Variants in HTR3A observed in about 807,000 individuals in gnomAD.
HTR3A encodes the protein 5-hydroxytryptamine receptor 3A, also known as 5-hydroxytryptamine (serotonin) receptor 3A, ionotropic.
Under a neutral mutation model 54.8 loss-of-function variants are expected in HTR3A, and 45 were observed. The ratio of observed to expected loss-of-function variants is 0.82; its 90% CI spans 0.65 to 1.05. HTR3A has a LOEUF of 1.05. Among genes scored for constraint, HTR3A ranks in the 50% least tolerant of loss-of-function variants. The pLI is 0.00. For missense variants in HTR3A, 657 were observed against 614.0 expected, an observed-to-expected ratio of 1.07 and a Z score of -0.74; for synonymous variants, 297 against 256.0, an observed-to-expected ratio of 1.16 and a Z score of -1.53.
chr11:113,980,096 G>A (rs878899335), intron 3 of HTR3A, among the ~76,000 whole-genome samples: 5 of 152,290 alleles, frequency 3.3e-5, no homozygotes, highest in Admixed American at 2.0e-4. Context: ...TCCCTGCCTC[G>A]CAGAGGGATC....
intron 4 of HTR3A, among the ~76,000 whole-genome samples, chr11:113,981,844 GCTA>G (rs764144541): frequency 6.6e-6 from 1 of 151,900 alleles, no homozygotes; most frequent in Non-Finnish European, 1.5e-5. Flanking sequence ...TGTAATCCCA[GCTA>G]CTCGGGCAGC....
chr11:113,982,349 G>GA (rs11459590), intron 4 of HTR3A, among the ~76,000 whole-genome samples: 139,003 of 152,194 alleles, frequency 0.91, 64,820 homozygotes, highest in East Asian at 1. Context: ...TTTTCCAAGG[G>GA]GGTAGTTGAC....
In HTR3A at chr11:113,977,706, A is replaced by T; in HGVS notation, c.68-65A>T. ...CGTCTCTTTTAACAGCTTACAAACC[A>T]GGACAAGAGAACCGGGGGAAGTCTT... On this transcript the variant is annotated intron_variant, in intron 1 of 8. Transcript: ENST00000504030. 4 of 1,582,120 alleles carry T rather than the reference A, an allele frequency of 2.5e-6. No individual in the cohort carries two copies. In the South Asian group the frequency reaches 4.5e-5, roughly 18 times the overall value.
chr11:113,985,780 C>T (rs927590715), intron 5 of HTR3A, among the ~76,000 whole-genome samples: 4 of 151,858 alleles, frequency 2.6e-5, no homozygotes, highest in Admixed American at 6.6e-5. Flanking sequence ...TTCTTTGCAC[C>T]GTGCATTTTC....
At position 113,989,778 on chromosome 11, in the gene HTR3A, G is replaced by C; in HGVS notation, c.*15G>C. On this transcript the variant is annotated 3_prime_UTR_variant, in exon 9 of 9. Coordinates refer to ENST00000504030, the MANE Select transcript of HTR3A (RefSeq NM_000869.6). This position sits in a 1 kb window ranked among gnomAD's most constrained non-coding sequence, Gnocchi z 4.4. ...AGTACGCTTGAGTGGGTACAGCCCA[G>C]TGGAGGAGGGGGTACAGTCCTGGTT... 2 of 1,605,832 alleles carry C rather than the reference G, an allele frequency of 1.2e-6. No individual in the cohort carries two copies. The highest frequency in any genetic ancestry group is 2.2e-5 in the East Asian group (1 of 44,874).
chr11:113,977,938 G>A lies in HTR3A; in HGVS notation c.219+16G>A, dbSNP rs192513410. On this transcript the variant is annotated intron_variant, in intron 2 of 8. Transcript: ENST00000504030. Reference sequence around the variant, plus strand: ...CCTCAACGTGGTGAGGCTCAGCCCCGAGCTGCACACAGGCAGACCTTTTGG... The same window carrying A: ...CCTCAACGTGGTGAGGCTCAGCCCCAAGCTGCACACAGGCAGACCTTTTGG... The A allele has an allele frequency of 1.7e-3, 2,783 of 1,614,146 alleles. 9 individuals carry two copies. The highest frequency in any genetic ancestry group is 2.1e-3 in the Non-Finnish European group (2,453 of 1,180,012).
intron 3 of HTR3A, 68 bp from the exon 4 acceptor site, chr11:113,981,135 C>T (rs533725521): frequency 7.2e-6 from 7 of 974,894 alleles, no homozygotes; most frequent in Admixed American, 7.0e-5. Flanking sequence ...TGAAGTCTGC[C>T]TGAGTTGCAG....
At chr11:113,977,440 G>A (rs1039118064) in intron 1 of HTR3A, 128 of 1,082,812 alleles carry the variant, frequency 1.2e-4, no homozygotes, top group South Asian at 3.7e-4. Context: ...AGAGGCCCTC[G>A]CTTAGGCCCC....
At chr11:113,979,400 C>G (rs926523658) in intron 3 of HTR3A, 123 bp downstream of exon 3, 8 of 759,592 alleles carry the variant, frequency 1.1e-5, no homozygotes, top group South Asian at 9.7e-5. Flanking sequence ...CACCCTCAGC[C>G]TGAGATCCAG....
intron 1 of HTR3A, among the ~76,000 whole-genome samples, chr11:113,976,302 G>A (rs1176224895): frequency 6.6e-6 from 1 of 152,034 alleles, no homozygotes; most frequent in Non-Finnish European, 1.5e-5. Context: ...CCTAGCAATG[G>A]TCCTTTGCCC....
chr11:113,977,728 T>A (rs761494535), intron 1 of HTR3A, 43 bp from the exon 2 acceptor site: 2 of 1,606,266 alleles, frequency 1.2e-6, no homozygotes, highest in Non-Finnish European at 1.7e-6. Context: ...CCGGGGGAAG[T>A]CTTGGGGGGC....
At chr11:113,981,118 C>A in intron 3 of HTR3A, 85 bp from the exon 4 acceptor site, 1 of 837,318 alleles carries the variant, frequency 1.2e-6, no homozygotes, top group Non-Finnish European at 2.1e-6. Context: ...TGCCTGGGCA[C>A]TGAGGGTGAA....
intron 3 of HTR3A, 69 bp from the exon 4 acceptor site, chr11:113,981,134 C>A: frequency 1.0e-6 from 1 of 959,434 alleles, no homozygotes; most frequent in Non-Finnish European, 1.7e-6. Flanking sequence ...GTGAAGTCTG[C>A]CTGAGTTGCA....
intron 1 of HTR3A, 162 bp from the exon 2 acceptor site, chr11:113,977,609 C>A: frequency 6.6e-7 from 1 of 1,509,546 alleles, no homozygotes; most frequent in Non-Finnish European, 9.0e-7. Context: ...GAAATCTCTG[C>A]AGACAAAATG....
In HTR3A at chr11:113,986,185, A is replaced by G. The variant is rs1351772057; in HGVS notation, c.705+10A>G. On this transcript the variant is annotated intron_variant, in intron 6 of 8. Coordinates refer to ENST00000504030, the MANE Select transcript of HTR3A (RefSeq NM_000869.6). ...AGAAATGAAGTTCTATGTGAGTGGG[A>G]GTGAATGTGGGTAAAATGGTGAATA... 1.2e-6 allele frequency: 2 copies of G among 1,614,102 alleles called. No homozygotes were observed. Among genetic ancestry groups the G allele is most frequent in the South Asian group, 1.1e-5 (1 of 91,078 alleles).
intron 2 of HTR3A, among the ~76,000 whole-genome samples, chr11:113,978,367 GC>G (rs1254268668): frequency 6.6e-6 from 1 of 152,190 alleles, no homozygotes; most frequent in East Asian, 1.9e-4. Flanking sequence ...AGGGTGGGGT[GC>G]ACTACTCAGA....
intron 2 of HTR3A, among the ~76,000 whole-genome samples, chr11:113,978,591 G>A (rs1185402561): frequency 2.6e-5 from 4 of 152,072 alleles, no homozygotes; most frequent in Non-Finnish European, 5.9e-5. Flanking sequence ...GGCAGGTCTC[G>A]AACACCTGGC....
At position 113,986,611 on chromosome 11, in the gene HTR3A, C is replaced by A. The variant is rs1432743814; in HGVS notation, c.799C>A (p.Pro267Thr). 2.5e-6 allele frequency: 4 copies of A among 1,613,536 alleles called. No homozygotes were observed. Among genetic ancestry groups the A allele is most frequent in the East Asian group, 2.2e-5 (1 of 44,866 alleles). ...MVMDIVGFYLPPNSGERVSFK... is the reference protein window; with the variant it reads ...MVMDIVGFYLTPNSGERVSFK... ...CATGGACATCGTGGGCTTCTACCTG[C>A]CCCCCAACAGTGGCGAGAGGGTCTC... Residue 267 changes from proline (P) to threonine (T), a missense_variant, in exon 7 of 9, where the codon CCC becomes ACC. Transcript: ENST00000504030.
In HTR3A at chr11:113,975,148, G is replaced by C. The variant is rs141020029; in HGVS notation, c.-178G>C. On this transcript the variant is annotated 5_prime_UTR_variant, in exon 1 of 9. Coordinates refer to ENST00000504030, the MANE Select transcript of HTR3A (RefSeq NM_000869.6). ...TGAAGGACTGATTGCAGGAAAACTT[G>C]GCAGCTCCCCAACCTTGGTGGCCCA... is the stretch of plus-strand genomic sequence containing the variant. 40 of 705,660 alleles carry C rather than the reference G, an allele frequency of 5.7e-5. 1 individual carries two copies. In the African/African-American group the frequency reaches 6.6e-4, roughly 12 times the overall value. 43.7% of individuals were successfully genotyped at this position (705,660 alleles called of 1,614,324 possible).
Sources: allele counts gnomAD v4.1 joint callset (sites outside exome capture counted in the v4.1 genomes callset), GRCh38; gene constraint gnomAD v4.1.1; non-coding constraint Gnocchi (gnomAD v3.1); transcripts MANE v1.5; gene names NCBI Gene and HGNC (gene_info 2026-07-23, HGNC 2026-07-21).